NEMF: variants seen among roughly 807,000 people sequenced by gnomAD.
NEMF encodes nuclear export mediator factor.
In NEMF, 89 loss-of-function variants were observed where a neutral mutation model predicts 162.2. The observed-to-expected ratio is 0.55, with a 90% CI of 0.46 to 0.65. The LOEUF (loss-of-function observed/expected upper bound fraction) is 0.65, where lower values mean the gene tolerates loss of function less well. NEMF is among the 30% of genes least tolerant of loss of function. NEMF has a pLI of 0.00. For synonymous variants in NEMF, 421 were observed against 404.5 expected (o/e 1.04, Z -0.49); for missense variants, 1,133 against 1,261.9 (o/e 0.90, Z 1.55).
At chr14:49,819,918 TTAGAA>T (rs376873277) in intron 16 of NEMF, among the ~76,000 whole-genome samples, 4 of 152,146 alleles carry the variant, frequency 2.6e-5, no homozygotes, top group African/African-American at 9.6e-5. Flanking sequence ...TTTCAGAGGA[TTAGAA>T]TGCCACTTCA....
intron 16 of NEMF, among the ~76,000 whole-genome samples, chr14:49,822,872 G>A (rs1892151045): frequency 6.6e-6 from 1 of 151,868 alleles, no homozygotes; most frequent in Non-Finnish European, 1.5e-5. Context: ...TGTGGTAGGG[G>A]GACTGCATGA....
intron 7 of NEMF, among the ~76,000 whole-genome samples, chr14:49,833,725 T>C (rs1483457350): frequency 6.6e-6 from 1 of 152,222 alleles, no homozygotes; most frequent in Admixed American, 6.5e-5. Context: ...TTTCCCTCCA[T>C]GACCTGAAAG....
intron 16 of NEMF, among the ~76,000 whole-genome samples, chr14:49,816,016 TGC>T (rs2139910149): frequency 6.6e-6 from 1 of 152,260 alleles, no homozygotes; most frequent in South Asian, 2.1e-4. Flanking sequence ...TGAGAGATCC[TGC>T]ATCCCTTCAG....
At chr14:49,830,820 G>A (rs904274871) in intron 11 of NEMF, among the ~76,000 whole-genome samples, 1 of 152,228 alleles carries the variant, frequency 6.6e-6, no homozygotes, top group Non-Finnish European at 1.5e-5. Context: ...ATGGTCAAAT[G>A]TGCTGGGAAA....
At position 49,803,246 on chromosome 14, in the gene NEMF, T is replaced by C. The variant is rs756179990; in HGVS notation, c.1906A>G (p.Met636Val). 1 of 1,608,940 alleles carries C rather than the reference T, an allele frequency of 6.2e-7. No individual in the cohort carries two copies. Among genetic ancestry groups the C allele is most frequent in the Non-Finnish European group, 8.5e-7 (1 of 1,175,510 alleles). Reference sequence around the variant, plus strand: ...CCTGTCAAGACATTACCTCTTATCATGAAGCTTCCTGTTGTCAAATATTCT... The same window carrying C: ...CCTGTCAAGACATTACCTCTTATCACGAAGCTTCCTGTTGTCAAATATTCT... ...TGEYLTTGSFMIRGKKNFLPP... is the reference protein window; with the variant it reads ...TGEYLTTGSFVIRGKKNFLPP... Residue 636 changes from methionine (M) to valine (V), a missense_variant, in exon 20 of 33, where the codon ATG (methionine) becomes GTG (valine). Physicochemically the swap from Met to Val is conservative, Grantham distance 21. Transcript: ENST00000298310.
chr14:49,832,002 G>A, intron 10 of NEMF, 49 bp downstream of exon 10: 2 of 1,268,830 alleles, frequency 1.6e-6, no homozygotes, highest in Non-Finnish European at 2.2e-6. Context: ...GATATCAACA[G>A]CTCATATCAT....
chr14:49,809,999 AG>A (rs1377394427), intron 18 of NEMF, among the ~76,000 whole-genome samples: 1 of 152,074 alleles, frequency 6.6e-6, no homozygotes, highest in Non-Finnish European at 1.5e-5. Flanking sequence ...TGCATGCAGC[AG>A]GGGGTATGAG....
chr14:49,838,653 C>T lies in NEMF; in HGVS notation c.507-447G>A, dbSNP rs376794890. 9.3e-4 allele frequency among the ~76,000 whole-genome samples: 138 copies of T among 148,342 alleles called. 1 individual carries two copies. The highest frequency in any genetic ancestry group is 1.3e-3 in the Non-Finnish European group (86 of 67,578). On this transcript the variant is annotated intron_variant, in intron 5 of 32. Coordinates refer to ENST00000298310, the MANE Select transcript of NEMF (RefSeq NM_004713.6). Reference sequence around the variant, plus strand: ...AGGCTGCAGTACAGTGGCACGATCTCGGCTCGCTACAAGCTCCGCCTCCTG... The same window carrying T: ...AGGCTGCAGTACAGTGGCACGATCTTGGCTCGCTACAAGCTCCGCCTCCTG...
At chr14:49,806,386 G>A (rs567825418) in intron 18 of NEMF, among the ~76,000 whole-genome samples, 10 of 146,588 alleles carry the variant, frequency 6.8e-5, no homozygotes, top group African/African-American at 2.0e-4. Context: ...TCAGCCTCCC[G>A]AGTAGCTGCA....
In NEMF at chr14:49,834,347, T is replaced by C. The variant is rs767420912; in HGVS notation, c.661+16A>G. On this transcript the variant is annotated intron_variant, in intron 7 of 32. Transcript: ENST00000298310. Reference sequence around the variant, plus strand: ...AAAAAAATGAAATAAATGAAAAATGTACCATGCAGACATACCTTTAGTTTC... The same window carrying C: ...AAAAAAATGAAATAAATGAAAAATGCACCATGCAGACATACCTTTAGTTTC... 1 of 1,515,054 alleles carries C rather than the reference T, an allele frequency of 6.6e-7. No homozygotes were observed. The highest frequency in any genetic ancestry group is 9.1e-7 in the Non-Finnish European group (1 of 1,098,444). The allele number at this position is 1,515,054 out of a possible 1,614,324, so 93.9% of individuals were successfully genotyped here.
intron 10 of NEMF, 79 bp from the exon 11 acceptor site, chr14:49,831,440 T>A (rs1004171427): frequency 1.0e-4 from 93 of 892,848 alleles, no homozygotes; most frequent in Non-Finnish European, 1.4e-4. Context: ...ATTTTATTTT[T>A]TTTTTCTTTT....
intron 17 of NEMF, 55 bp from the exon 18 acceptor site, chr14:49,814,105 C>CTT (rs375409448): frequency 5.7e-4 from 499 of 868,084 alleles, no homozygotes; most frequent in East Asian, 1.1e-3. Flanking sequence ...TTCTTTTTTC[C>CTT]TTTTTTTTTT....
intron 5 of NEMF, 81 bp from the exon 6 acceptor site, chr14:49,838,287 G>T: frequency 9.1e-7 from 1 of 1,102,904 alleles, no homozygotes. Flanking sequence ...ACTTTCATCT[G>T]TATCAGTTCA....
chr14:49,809,437 T>C (rs1052618505), intron 18 of NEMF, among the ~76,000 whole-genome samples: 1 of 151,502 alleles, frequency 6.6e-6, no homozygotes, highest in Admixed American at 6.6e-5. Context: ...TTGTCGGGGG[T>C]TGGGGGAAGG....
rs1291240112 is a variant in NEMF, at chr14:49,828,756, G to C, written c.1284C>G (p.Val428=). ...GTTCAGTTTCATTTTTCTCAACATT[G>C]ACGTCACCATCAACATCATCATCTT... ...EEEDDDVDGD[V]NVEKNETEPP... is the part of the protein sequence containing the mutation. Residue 428 remains valine, a synonymous_variant, in exon 14 of 33, where the codon GTC becomes GTG. Coordinates refer to ENST00000298310, the MANE Select transcript of NEMF (RefSeq NM_004713.6). 1 of 1,570,284 alleles carries C rather than the reference G, an allele frequency of 6.4e-7. No homozygotes were observed.
At chr14:49,823,893 G>T (rs546941490) in intron 16 of NEMF, among the ~76,000 whole-genome samples, 1 of 152,300 alleles carries the variant, frequency 6.6e-6, no homozygotes, top group South Asian at 2.1e-4. Context: ...TATCAGCCAG[G>T]TGTGATGGCT....
intron 26 of NEMF, among the ~76,000 whole-genome samples, chr14:49,793,708 C>T (rs1056705859): frequency 5.3e-5 from 8 of 152,134 alleles, no homozygotes; most frequent in African/African-American, 1.9e-4. Context: ...CAAATATAAA[C>T]TTCAACGTCC....
intron 4 of NEMF, chr14:49,844,742 C>T (rs1360972173): frequency 1.6e-5 from 3 of 182,638 alleles, no homozygotes; most frequent in African/African-American, 5.8e-5. Context: ...CGCGCGCACA[C>T]ACACACACAC....
At position 49,800,664 on chromosome 14, in the gene NEMF, CTTT is replaced by C; in HGVS notation, c.2125_2127del (p.Lys709del). 1 of 1,613,944 alleles carries C rather than the reference CTTT, an allele frequency of 6.2e-7. No individual in the cohort carries two copies. Among genetic ancestry groups the C allele is most frequent in the African/African-American group, 1.3e-5 (1 of 75,030 alleles). On this transcript the variant is annotated inframe_deletion, in exon 23 of 33. Transcript: ENST00000298310. Reference sequence around the variant, plus strand: ...ACTTCCACAGGAGTTTCATGTTCTTCTTTATCCTCATCACTGCTCGTGTCACCT... The same window carrying C: ...ACTTCCACAGGAGTTTCATGTTCTTCATCCTCATCACTGCTCGTGTCACCT...
Sources: gnomAD v4.1 joint callset for allele counts (sites outside exome capture counted in the v4.1 genomes callset) on GRCh38, gnomAD v4.1.1 for gene constraint, MANE v1.5 for transcripts, NCBI Gene and HGNC (gene_info 2026-07-23, HGNC 2026-07-21) for gene names.